CDK14: variants seen among roughly 807,000 people sequenced by gnomAD.
CDK14 encodes cyclin dependent kinase 14.
In CDK14, 34 loss-of-function variants were observed where a neutral mutation model predicts 60.7. That is an observed-to-expected ratio of 0.56 (90% CI 0.43 to 0.75). The LOEUF (loss-of-function observed/expected upper bound fraction) is 0.75. CDK14 is among the 30% of genes least tolerant of loss of function. The probability of loss-of-function intolerance (pLI) is 0.00; values close to 1 mark genes in which losing one functional copy is unlikely to be tolerated. For synonymous variants in CDK14, 197 were observed against 203.7 expected, an observed-to-expected ratio of 0.97 and a Z score of 0.28; for missense variants, 482 against 564.1, an observed-to-expected ratio of 0.85 and a Z score of 1.47.
intron 10 of CDK14, among the ~76,000 whole-genome samples, chr7:91,028,090 CT>C: frequency 6.7e-6 from 1 of 149,958 alleles, no homozygotes; most frequent in East Asian, 2.0e-4. Context: ...TTATACCATT[CT>C]TATGCTTTTG....
intron 8 of CDK14, among the ~76,000 whole-genome samples, chr7:90,930,121 T>C (rs1364159086): frequency 1.3e-5 from 2 of 152,134 alleles, no homozygotes; most frequent in Non-Finnish European, 2.9e-5. Context: ...TGGTAGTGTT[T>C]TTTTTTTCTT....
chr7:90,653,325 T>C (rs1800685702), intron 2 of CDK14, among the ~76,000 whole-genome samples: 1 of 152,130 alleles, frequency 6.6e-6, no homozygotes. Flanking sequence ...ATATTGGAAT[T>C]ACCTCTGTGA....
At chr7:90,667,339 C>T (rs992696882) in intron 2 of CDK14, among the ~76,000 whole-genome samples, 1 of 152,046 alleles carries the variant, frequency 6.6e-6, no homozygotes, top group Admixed American at 6.5e-5. Context: ...CACAATTGGG[C>T]TTTTAGTGTA....
At chr7:91,021,326 A>T (rs1324138623) in intron 10 of CDK14, among the ~76,000 whole-genome samples, 1 of 152,194 alleles carries the variant, frequency 6.6e-6, no homozygotes, top group East Asian at 1.9e-4. Context: ...CCTCAGTAAA[A>T]TGGGAGTAGT....
chr7:91,131,635 C>G (rs1287328813), intron 14 of CDK14, among the ~76,000 whole-genome samples: 1 of 152,132 alleles, frequency 6.6e-6, no homozygotes, highest in Non-Finnish European at 1.5e-5. Flanking sequence ...GTTAAGAACC[C>G]TGAGATGTTC....
chr7:90,809,141 T>G (rs553081229), intron 5 of CDK14, among the ~76,000 whole-genome samples: 81 of 152,132 alleles, frequency 5.3e-4, no homozygotes, highest in Admixed American at 1.6e-3. Flanking sequence ...TCTACAGAAC[T>G]CTCCACCCCA....
intron 2 of CDK14, among the ~76,000 whole-genome samples, chr7:90,658,020 C>G (rs1800785575): frequency 6.6e-6 from 1 of 152,072 alleles, no homozygotes; most frequent in South Asian, 2.1e-4. Context: ...TTAGATTTGT[C>G]TGACTTTTTT....
chr7:90,600,666 A>T (rs1482559229), intron 1 of CDK14, among the ~76,000 whole-genome samples: 7 of 152,096 alleles, frequency 4.6e-5, no homozygotes, highest in Non-Finnish European at 8.8e-5. Flanking sequence ...GAGAAATATA[A>T]GGTTAAATGT....
rs73220669 is a variant in CDK14 at position 90,703,753 on chromosome 7, A to G, written c.124-22814A>G. ...GATAATTGAGGGCATACAACCAGGA[A>G]ACACAACATGTAGGGATGAGGACAT... is the stretch of plus-strand genomic sequence containing the variant. On this transcript the variant is annotated intron_variant, in intron 2 of 14. Coordinates refer to ENST00000380050, the MANE Select transcript of CDK14 (RefSeq NM_001287135.2). Among the ~76,000 whole-genome samples the G allele has an allele frequency of 7.6e-3, 1,157 of 152,310 alleles. 15 individuals carry two copies. Among genetic ancestry groups the G allele is most frequent in the Non-Finnish European group, 8.5e-3 (575 of 68,016 alleles).
chr7:90,963,086 AGTGTGTGTGT>A (rs34662049), intron 9 of CDK14, among the ~76,000 whole-genome samples: 4,127 of 142,126 alleles, frequency 0.029, 186 homozygotes, highest in African/African-American at 0.1. Flanking sequence ...TCATCTTAAG[AGTGTGTGTGT>A]GTGTGTGTGT....
intron 14 of CDK14, among the ~76,000 whole-genome samples, chr7:91,191,762 A>C (rs1802371463): frequency 6.6e-6 from 1 of 152,116 alleles, no homozygotes; most frequent in Non-Finnish European, 1.5e-5. Flanking sequence ...CTGTGGTCAG[A>C]AAATGTATGT....
At chr7:90,715,005 T>TAA (rs1802196377) in intron 2 of CDK14, among the ~76,000 whole-genome samples, 1 of 152,098 alleles carries the variant, frequency 6.6e-6, no homozygotes, top group East Asian at 1.9e-4. Flanking sequence ...TTCATATGGT[T>TAA]ACTGGGGGAA....
chr7:90,794,220 A>G (rs1304113281), intron 5 of CDK14, among the ~76,000 whole-genome samples: 1 of 152,178 alleles, frequency 6.6e-6, no homozygotes, highest in Non-Finnish European at 1.5e-5. Flanking sequence ...ATAAGATATT[A>G]CAAGGCAAAT....
intron 5 of CDK14, among the ~76,000 whole-genome samples, chr7:90,792,754 C>G (rs1355234544): frequency 6.6e-6 from 1 of 152,214 alleles, no homozygotes; most frequent in Non-Finnish European, 1.5e-5. Flanking sequence ...TATCCCTTCT[C>G]TACTCTGTTA....
At chr7:90,773,880 TCCTCTCCTCTCCTCTTTTC>T (rs1804895699) in intron 4 of CDK14, among the ~76,000 whole-genome samples, 1 of 108,188 alleles carries the variant, frequency 9.2e-6, no homozygotes, top group Non-Finnish European at 1.8e-5. Context: ...TCCTCTCCTC[TCCTCTCCTCTCCTCTTTTC>T]TTTCTTTTTT....
Position 90,841,021 on chromosome 7 carries a change from A to G in CDK14, c.545-22154A>G, listed in dbSNP as rs957610232. ...GCATATGAATAGAAAAAGAAATGGG[A>G]GGGAAGGTATCAAACTGGTTTTCTA... On this transcript the variant is annotated intron_variant, in intron 5 of 14. Coordinates refer to ENST00000380050, the MANE Select transcript of CDK14 (RefSeq NM_001287135.2). Among the ~76,000 whole-genome samples the G allele has an allele frequency of 3.3e-4, 51 of 152,298 alleles. 1 individual carries two copies. The highest frequency in any genetic ancestry group is 5.9e-5 in the Non-Finnish European group (4 of 68,016).
intron 2 of CDK14, among the ~76,000 whole-genome samples, chr7:90,636,392 CAT>C (rs1175429242): frequency 2.6e-5 from 4 of 152,154 alleles, no homozygotes; most frequent in Non-Finnish European, 2.9e-5. Flanking sequence ...TTGAGATAAT[CAT>C]GTGATTTTTG....
intron 4 of CDK14, among the ~76,000 whole-genome samples, chr7:90,766,698 G>A (rs1274195119): frequency 2.0e-5 from 3 of 152,140 alleles, no homozygotes; most frequent in Non-Finnish European, 2.9e-5. Context: ...CCAGGGTCAG[G>A]TTTGAGCCCC....
At chr7:90,876,937 A>G (rs1025573313) in intron 6 of CDK14, among the ~76,000 whole-genome samples, 1 of 152,206 alleles carries the variant, frequency 6.6e-6, no homozygotes, top group African/African-American at 2.4e-5. Flanking sequence ...TTATTAGATT[A>G]TTGTCCATTC....
Sources: allele counts gnomAD v4.1 joint callset (sites outside exome capture counted in the v4.1 genomes callset), GRCh38; gene constraint gnomAD v4.1.1; transcripts MANE v1.5; gene names NCBI Gene and HGNC (gene_info 2026-07-23, HGNC 2026-07-21).